LRP1B: variants seen among roughly 807,000 people sequenced by gnomAD.
LRP1B encodes LDL receptor related protein 1B.
In LRP1B, 217 loss-of-function variants were observed where a neutral mutation model predicts 556.6. The ratio of observed to expected loss-of-function variants is 0.39; its 90% CI spans 0.35 to 0.44. The LOEUF (loss-of-function observed/expected upper bound fraction) is 0.44. Among genes scored for constraint, LRP1B ranks in the 20% least tolerant of loss-of-function variants. The pLI is 1.00. For synonymous variants in LRP1B, 2,047 were observed against 1,865.8 expected (o/e 1.10, Z -2.50); for missense variants, 5,053 against 5,620.8 (o/e 0.90, Z 3.23).
At chr2:141,004,413 T>A (rs1697510902) in intron 15 of LRP1B, among the ~76,000 whole-genome samples, 2 of 152,054 alleles carry the variant, frequency 1.3e-5, no homozygotes, top group East Asian at 3.9e-4. Context: ...GCCTGATTAT[T>A]TGAACTGTGA....
At chr2:140,428,664 T>C (rs957905400) in intron 66 of LRP1B, among the ~76,000 whole-genome samples, 1 of 152,092 alleles carries the variant, frequency 6.6e-6, no homozygotes, top group Non-Finnish European at 1.5e-5. Context: ...ACGTCAAGCT[T>C]CGAGTAACTG....
chr2:141,917,749 G>C (rs1252605312), intron 1 of LRP1B, among the ~76,000 whole-genome samples: 2 of 152,156 alleles, frequency 1.3e-5, no homozygotes, highest in African/African-American at 4.8e-5. Context: ...CGTCTCTACT[G>C]TCACAATTAT....
At chr2:141,160,447 C>T (rs1465503062) in intron 7 of LRP1B, among the ~76,000 whole-genome samples, 2 of 152,000 alleles carry the variant, frequency 1.3e-5, no homozygotes, top group African/African-American at 4.8e-5. Context: ...ACACAAAAAC[C>T]TATAGACAGA....
At chr2:141,931,326 G>C (rs954453413) in intron 1 of LRP1B, among the ~76,000 whole-genome samples, 1 of 151,934 alleles carries the variant, frequency 6.6e-6, no homozygotes, top group Non-Finnish European at 1.5e-5. Context: ...AGGAGGGGTG[G>C]AGGAATTACA....
chr2:141,601,310 C>T (rs1483154), intron 2 of LRP1B, among the ~76,000 whole-genome samples: 4,000 of 151,982 alleles, frequency 0.026, 194 homozygotes, highest in African/African-American at 0.089. Flanking sequence ...ACATCTTCTC[C>T]TGGCAGATTG....
intron 3 of LRP1B, among the ~76,000 whole-genome samples, chr2:141,340,909 CA>C (rs1688032877): frequency 1.3e-5 from 2 of 152,070 alleles, no homozygotes; most frequent in Non-Finnish European, 2.9e-5. Flanking sequence ...ATTTCAAACT[CA>C]AGAGGAGAGT....
At chr2:141,538,429 T>G (rs1366095936) in intron 2 of LRP1B, among the ~76,000 whole-genome samples, 5 of 152,080 alleles carry the variant, frequency 3.3e-5, no homozygotes, top group Admixed American at 3.3e-4. Context: ...CTAAAAAGCC[T>G]TTTTAGCTTT....
intron 32 of LRP1B, among the ~76,000 whole-genome samples, chr2:140,811,311 AC>A (rs1196918617): frequency 6.6e-6 from 1 of 152,154 alleles, no homozygotes; most frequent in Non-Finnish European, 1.5e-5. Context: ...TAAGATAGAT[AC>A]CTGCTCCATT....
At chr2:140,379,899 T>C (rs1311352679) in intron 67 of LRP1B, among the ~76,000 whole-genome samples, 2 of 152,154 alleles carry the variant, frequency 1.3e-5, no homozygotes. Context: ...CTACACTCCT[T>C]TGTTTAGTAA....
chr2:140,592,935 GACACAC>G (rs10594387), intron 43 of LRP1B, among the ~76,000 whole-genome samples: 105 of 148,950 alleles, frequency 7.0e-4, no homozygotes, highest in African/African-American at 1.6e-3. Context: ...GTGAGATCCT[GACACAC>G]ACACACACAC....
chr2:141,986,904 C>T (rs559458497), intron 1 of LRP1B, among the ~76,000 whole-genome samples: 12 of 151,892 alleles, frequency 7.9e-5, no homozygotes, highest in African/African-American at 1.7e-4. Context: ...ATAAAGTTGC[C>T]GTTACAGCAT....
intron 41 of LRP1B, among the ~76,000 whole-genome samples, chr2:140,663,888 C>G (rs1456525888): frequency 6.6e-6 from 1 of 152,104 alleles, no homozygotes; most frequent in African/African-American, 2.4e-5. Flanking sequence ...ACATGTGACT[C>G]TTTTCTCTTC....
chr2:140,692,402 T>C (rs1023769658), intron 41 of LRP1B, among the ~76,000 whole-genome samples: 2 of 152,166 alleles, frequency 1.3e-5, no homozygotes, highest in African/African-American at 2.4e-5. Flanking sequence ...GGTGAAAGTA[T>C]ATGAACCATT....
At chr2:140,762,775 C>A (rs1435371943) in intron 35 of LRP1B, among the ~76,000 whole-genome samples, 1 of 152,070 alleles carries the variant, frequency 6.6e-6, no homozygotes, top group Non-Finnish European at 1.5e-5. Context: ...AGAATATTGT[C>A]TAGTTGATTA....
intron 2 of LRP1B, among the ~76,000 whole-genome samples, chr2:141,492,041 C>A (rs1683352215): frequency 1.7e-5 from 2 of 120,152 alleles, no homozygotes; most frequent in African/African-American, 3.1e-5. Flanking sequence ...ATATATAAAT[C>A]ATTATCAAAG....
intron 2 of LRP1B, among the ~76,000 whole-genome samples, chr2:141,523,260 T>C (rs1476744344): frequency 7.9e-5 from 12 of 152,126 alleles, no homozygotes; most frequent in Non-Finnish European, 1.3e-4. Flanking sequence ...ACCCAGGACA[T>C]ATAAATATTT....
At chr2:142,016,861 C>T (rs1276887385) in intron 1 of LRP1B, among the ~76,000 whole-genome samples, 1 of 148,826 alleles carries the variant, frequency 6.7e-6, no homozygotes, top group Non-Finnish European at 1.5e-5. Context: ...TATATATACA[C>T]ACACATATAT....
chr2:141,088,370 T>C (rs1267802258), intron 7 of LRP1B, among the ~76,000 whole-genome samples: 1 of 152,212 alleles, frequency 6.6e-6, no homozygotes, highest in Non-Finnish European at 1.5e-5. Flanking sequence ...AGCAGGTTTA[T>C]TGAACCTTTT....
chr2:140,506,653 C>T (rs2104906014), intron 53 of LRP1B, 143 bp downstream of exon 53: 1 of 746,002 alleles, frequency 1.3e-6, no homozygotes, highest in African/African-American at 1.8e-5. Context: ...GTTATATGTG[C>T]TGTGATTGTG....
Sources: gnomAD v4.1 joint callset for allele counts (sites outside exome capture counted in the v4.1 genomes callset) on GRCh38, gnomAD v4.1.1 for gene constraint, MANE v1.5 for transcripts, NCBI Gene and HGNC (gene_info 2026-07-23, HGNC 2026-07-21) for gene names.